Variants in ERBB4 observed in about 807,000 individuals in gnomAD.
The protein encoded by ERBB4 is erb-b2 receptor tyrosine kinase 4.
A neutral mutation model predicts 158.0 loss-of-function variants in ERBB4; 42 were observed. The observed-to-expected ratio is 0.27, with a 90% CI of 0.21 to 0.34. The LOEUF (loss-of-function observed/expected upper bound fraction) is 0.34, where lower values mean the gene tolerates loss of function less well. Ranked by LOEUF, ERBB4 falls within the 10% of genes least tolerant of loss-of-function variation. The pLI is 1.00. For synonymous variants in ERBB4, 583 were observed against 558.7 expected, an observed-to-expected ratio of 1.04 and a Z score of -0.61; for missense variants, 1,333 against 1,624.1, an observed-to-expected ratio of 0.82 and a Z score of 3.08.
chr2:212,111,198 C>A (rs1407786709), intron 2 of ERBB4, among the ~76,000 whole-genome samples: 1 of 152,172 alleles, frequency 6.6e-6, no homozygotes, highest in African/African-American at 2.4e-5. Flanking sequence ...TTCACCCACA[C>A]CCTTTATATG....
chr2:212,490,047 C>G (rs926303348), intron 1 of ERBB4, among the ~76,000 whole-genome samples: 19 of 151,874 alleles, frequency 1.3e-4, no homozygotes, highest in Admixed American at 1.1e-3. Flanking sequence ...CTAGCCCCAT[C>G]TCTTACCACT....
intron 1 of ERBB4, among the ~76,000 whole-genome samples, chr2:212,216,990 T>G (rs184712810): frequency 6.6e-6 from 1 of 151,410 alleles, no homozygotes; most frequent in African/African-American, 2.4e-5. Context: ...ATCCTTCACA[T>G]GTATGTGTTA....
chr2:211,610,504 T>C (rs552911432), intron 19 of ERBB4, among the ~76,000 whole-genome samples: 11 of 152,210 alleles, frequency 7.2e-5, no homozygotes, highest in Non-Finnish European at 1.6e-4. Flanking sequence ...GATTTCTACC[T>C]GCATTTTATG....
At chr2:212,468,340 G>C (rs940246104) in intron 1 of ERBB4, among the ~76,000 whole-genome samples, 5 of 152,112 alleles carry the variant, frequency 3.3e-5, no homozygotes. Context: ...ATCTCATTTT[G>C]TACCTCCCAT....
At chr2:211,441,057 G>A (rs1559171380) in intron 20 of ERBB4, among the ~76,000 whole-genome samples, 1 of 152,062 alleles carries the variant, frequency 6.6e-6, no homozygotes, top group East Asian at 1.9e-4. Context: ...CCTTCCTCAG[G>A]CTTGCTCCTC....
chr2:211,697,230 C>T (rs1357603763), intron 12 of ERBB4, among the ~76,000 whole-genome samples: 1 of 152,076 alleles, frequency 6.6e-6, no homozygotes, highest in Non-Finnish European at 1.5e-5. Flanking sequence ...GTTAGCTGAT[C>T]AGCTAAAGTC....
At chr2:212,399,545 C>CATATATATATATATATATATATATAT (rs869111881) in intron 1 of ERBB4, among the ~76,000 whole-genome samples, 1 of 38,098 alleles carries the variant, frequency 2.6e-5, no homozygotes, top group Non-Finnish European at 4.9e-5. Flanking sequence ...TTTATATATA[C>CATATATATATATATATATATATATAT]ATATATATAT....
intron 16 of ERBB4, among the ~76,000 whole-genome samples, chr2:211,635,423 G>A (rs1224717396): frequency 6.6e-6 from 1 of 152,110 alleles, no homozygotes; most frequent in Non-Finnish European, 1.5e-5. Flanking sequence ...TTTTATAAAA[G>A]AGCAGCATCT....
At chr2:212,449,219 T>A (rs1403322868) in intron 1 of ERBB4, among the ~76,000 whole-genome samples, 2 of 152,184 alleles carry the variant, frequency 1.3e-5, no homozygotes, top group African/African-American at 4.8e-5. Context: ...ATCAGTTTAC[T>A]GTATCTTAGA....
At chr2:211,395,379 C>T (rs1410986821) in intron 25 of ERBB4, among the ~76,000 whole-genome samples, 1 of 152,036 alleles carries the variant, frequency 6.6e-6, no homozygotes, top group Non-Finnish European at 1.5e-5. Context: ...ACGGTACTAG[C>T]AACAAGATTC....
chr2:212,010,803 A>G (rs1398051840), intron 2 of ERBB4, among the ~76,000 whole-genome samples: 1 of 152,090 alleles, frequency 6.6e-6, no homozygotes, highest in Non-Finnish European at 1.5e-5. Flanking sequence ...CATAAGACAG[A>G]CACTCCCAGA....
intron 2 of ERBB4, among the ~76,000 whole-genome samples, chr2:212,031,738 C>A (rs1449923820): frequency 6.6e-6 from 1 of 152,000 alleles, no homozygotes; most frequent in Non-Finnish European, 1.5e-5. Context: ...CTCTATGGAC[C>A]ACATTTTGAG....
At chr2:212,060,459 G>T (rs991754362) in intron 2 of ERBB4, among the ~76,000 whole-genome samples, 1 of 150,948 alleles carries the variant, frequency 6.6e-6, no homozygotes, top group African/African-American at 2.4e-5. Flanking sequence ...CCCATTACTG[G>T]TTATATACCC....
intron 20 of ERBB4, among the ~76,000 whole-genome samples, chr2:211,556,491 CTTTT>C (rs917784208): frequency 2.6e-5 from 4 of 152,134 alleles, no homozygotes; most frequent in South Asian, 2.1e-4. Context: ...ATACTTTCTT[CTTTT>C]TTTAAGAAAA....
intron 2 of ERBB4, among the ~76,000 whole-genome samples, chr2:212,023,521 A>T (rs56107807): frequency 1.0e-3 from 71 of 67,900 alleles, no homozygotes; most frequent in East Asian, 4.0e-3. Flanking sequence ...TTAATTTTTT[A>T]AAAAAAACAG....
At chr2:212,177,996 T>C (rs1473366074) in intron 1 of ERBB4, among the ~76,000 whole-genome samples, 1 of 151,216 alleles carries the variant, frequency 6.6e-6, no homozygotes, top group Non-Finnish European at 1.5e-5. Flanking sequence ...AAGAGGGTTG[T>C]TCATGGAGGA....
intron 2 of ERBB4, among the ~76,000 whole-genome samples, chr2:212,046,437 T>C (rs560609970): frequency 6.6e-6 from 1 of 152,336 alleles, no homozygotes; most frequent in East Asian, 1.9e-4. Context: ...TTGCTGTTTA[T>C]AAGTTAAATG....
intron 2 of ERBB4, among the ~76,000 whole-genome samples, chr2:212,115,146 T>C (rs11887531): frequency 0.51 from 77,559 of 151,938 alleles, 20,728 homozygotes; most frequent in Non-Finnish European, 0.59. Flanking sequence ...AATTTTACTA[T>C]ATTATTTTTA....
chr2:211,587,007 C>T (rs1175827336), intron 19 of ERBB4, among the ~76,000 whole-genome samples: 3 of 152,012 alleles, frequency 2.0e-5, no homozygotes, highest in African/African-American at 7.2e-5. Context: ...GGTTATGTGC[C>T]AATAAACCTA....
Sources: allele counts gnomAD v4.1 joint callset (sites outside exome capture counted in the v4.1 genomes callset), GRCh38; gene constraint gnomAD v4.1.1; transcripts MANE v1.5; gene names NCBI Gene and HGNC (gene_info 2026-07-23, HGNC 2026-07-21).